Variants in GALNT17 observed in about 807,000 individuals in gnomAD.
GALNT17 encodes the protein polypeptide N-acetylgalactosaminyltransferase 17.
In GALNT17, 29 loss-of-function variants were observed where a neutral mutation model predicts 63.7. The ratio of observed to expected loss-of-function variants is 0.46; its 90% CI spans 0.34 to 0.62. The LOEUF (loss-of-function observed/expected upper bound fraction) is 0.62, where lower values mean the gene tolerates loss of function less well. Ranked by LOEUF, GALNT17 falls within the 20% of genes least tolerant of loss-of-function variation. The pLI is 0.01. For missense variants in GALNT17, 603 were observed against 799.6 expected, an observed-to-expected ratio of 0.75 and a Z score of 2.97; for synonymous variants, 305 against 318.3, an observed-to-expected ratio of 0.96 and a Z score of 0.45.
Position 71,523,262 on chromosome 7 carries a change from A to C in GALNT17, c.963-48023A>C, listed in dbSNP as rs557570827. ...CAACATAGCAAGACCCCATCTCTAC[A>C]AAATAATTTTTAAAAATTTAGTCAG... On this transcript the variant is annotated intron_variant, in intron 5 of 10. Coordinates refer to ENST00000333538, the MANE Select transcript of GALNT17 (RefSeq NM_022479.3). 2.9e-3 allele frequency among the ~76,000 whole-genome samples: 440 copies of C among 152,224 alleles called. 2 individuals carry two copies. Among genetic ancestry groups the C allele is most frequent in the African/African-American group, 9.7e-3 (405 of 41,562 alleles).
chr7:71,333,957 G>C (rs1236058690), intron 1 of GALNT17, among the ~76,000 whole-genome samples: 1 of 152,164 alleles, frequency 6.6e-6, no homozygotes, highest in Non-Finnish European at 1.5e-5. Context: ...TTCAGGGGTT[G>C]TCATTTGAAG....
At chr7:71,461,234 AG>A (rs11297639) in intron 5 of GALNT17, among the ~76,000 whole-genome samples, 57,742 of 152,142 alleles carry the variant, frequency 0.38, 12,673 homozygotes, top group Non-Finnish European at 0.51. Context: ...AGACTTGTCA[AG>A]GGAAAGCCAA....
chr7:71,487,222 G>A (rs1007318331), intron 5 of GALNT17, among the ~76,000 whole-genome samples: 1 of 152,160 alleles, frequency 6.6e-6, no homozygotes, highest in African/African-American at 2.4e-5. Context: ...GCCAGGGATG[G>A]GGCCTATGAC....
intron 5 of GALNT17, among the ~76,000 whole-genome samples, chr7:71,438,699 A>G (rs1479003512): frequency 2.6e-5 from 4 of 152,188 alleles, no homozygotes; most frequent in Admixed American, 6.5e-5. Context: ...TGTTCTTGCT[A>G]TCAATATTAT....
rs530430327 is a variant in GALNT17, at chr7:71,167,793, G to A, written c.238+34753G>A. Reference sequence around the variant, plus strand: ...CAACCTCCACCTCCTGGGTTCAAGCGATTCTTGTGCCTCAGCCTCCAAGGA... The same window carrying A: ...CAACCTCCACCTCCTGGGTTCAAGCAATTCTTGTGCCTCAGCCTCCAAGGA... On this transcript the variant is annotated intron_variant, in intron 1 of 10. Coordinates refer to ENST00000333538, the MANE Select transcript of GALNT17 (RefSeq NM_022479.3). Among the ~76,000 whole-genome samples, 6 of 152,246 alleles carry A rather than the reference G, an allele frequency of 3.9e-5. No individual in the cohort carries two copies. In the East Asian group the frequency reaches 7.7e-4, roughly 20 times the overall value.
At chr7:71,415,770 A>G (rs773082047) in intron 3 of GALNT17, 119 bp from the exon 4 acceptor site, 21 of 1,163,946 alleles carry the variant, frequency 1.8e-5, no homozygotes, top group Non-Finnish European at 2.1e-5. Context: ...CAGAATTACT[A>G]ACATGCGATT....
chr7:71,687,323 T>G (rs1453923725), intron 9 of GALNT17, among the ~76,000 whole-genome samples: 1 of 152,206 alleles, frequency 6.6e-6, no homozygotes, highest in Non-Finnish European at 1.5e-5. Flanking sequence ...ACCTTGTCAT[T>G]ATGATGCATT....
intron 1 of GALNT17, among the ~76,000 whole-genome samples, chr7:71,274,651 C>T (rs1178101337): frequency 6.6e-6 from 1 of 152,222 alleles, no homozygotes; most frequent in African/African-American, 2.4e-5. Flanking sequence ...ACACCATCCA[C>T]ATCAGTGCAC....
chr7:71,281,151 T>C lies in GALNT17; in HGVS notation c.239-54399T>C, dbSNP rs201309900. ...TAGAAGAAACCAAAAGCGGGCCCAG[T>C]TGAAATAAACACAGTGTTATTCAAC... On this transcript the variant is annotated intron_variant, in intron 1 of 10. Transcript: ENST00000333538. Among the ~76,000 whole-genome samples the C allele has an allele frequency of 5.9e-5, 9 of 152,116 alleles. No homozygotes were observed. In the East Asian group the frequency reaches 1.7e-3, roughly 29 times the overall value.
At chr7:71,384,499 G>A (rs146290006) in intron 2 of GALNT17, among the ~76,000 whole-genome samples, 30 of 152,290 alleles carry the variant, frequency 2.0e-4, no homozygotes, top group Non-Finnish European at 3.7e-4. Context: ...CACAGTTTCC[G>A]TCCCATGTTG....
chr7:71,354,773 A>G (rs1458152677), intron 2 of GALNT17, among the ~76,000 whole-genome samples: 1 of 152,196 alleles, frequency 6.6e-6, no homozygotes, highest in Non-Finnish European at 1.5e-5. Context: ...CATTATGACT[A>G]TCTGGTTCTT....
At chr7:71,277,284 C>G (rs940828936) in intron 1 of GALNT17, among the ~76,000 whole-genome samples, 1 of 152,036 alleles carries the variant, frequency 6.6e-6, no homozygotes, top group African/African-American at 2.4e-5. Flanking sequence ...GGGAGCTGAA[C>G]AATGGGTACA....
At chr7:71,275,280 A>G (rs913177114) in intron 1 of GALNT17, among the ~76,000 whole-genome samples, 3 of 152,154 alleles carry the variant, frequency 2.0e-5, no homozygotes, top group Non-Finnish European at 4.4e-5. Flanking sequence ...TAGAAATGCA[A>G]ATTCCCAAGA....
At chr7:71,401,178 C>T (rs1793233241) in intron 3 of GALNT17, among the ~76,000 whole-genome samples, 2 of 151,506 alleles carry the variant, frequency 1.3e-5, no homozygotes, top group African/African-American at 2.4e-5. Flanking sequence ...TCACTGCAAC[C>T]TCCCACCTCC....
chr7:71,365,492 G>T (rs564788555), intron 2 of GALNT17, among the ~76,000 whole-genome samples: 2 of 152,136 alleles, frequency 1.3e-5, no homozygotes, highest in African/African-American at 4.8e-5. Flanking sequence ...CACCCGCCTC[G>T]GCTTCCCAAA....
chr7:71,234,162 C>T (rs1405921179), intron 1 of GALNT17, among the ~76,000 whole-genome samples: 1 of 152,210 alleles, frequency 6.6e-6, no homozygotes, highest in Admixed American at 6.5e-5. Flanking sequence ...TGGTTTAGCA[C>T]AACCAACCAG....
At chr7:71,207,898 C>G (rs906573820) in intron 1 of GALNT17, among the ~76,000 whole-genome samples, 2 of 151,792 alleles carry the variant, frequency 1.3e-5, no homozygotes, top group African/African-American at 2.4e-5. Flanking sequence ...TGTATACAAG[C>G]AATGAGGTGG....
intron 5 of GALNT17, among the ~76,000 whole-genome samples, chr7:71,539,787 A>G (rs1788858654): frequency 7.7e-6 from 1 of 130,260 alleles, no homozygotes; most frequent in African/African-American, 3.0e-5. Flanking sequence ...AGCAGCCTCT[A>G]ACTCCTGGGC....
At chr7:71,184,208 A>C (rs566110849) in intron 1 of GALNT17, among the ~76,000 whole-genome samples, 1 of 152,140 alleles carries the variant, frequency 6.6e-6, no homozygotes, top group East Asian at 1.9e-4. Context: ...TGACACCTTC[A>C]TCTCGGACTT....
Sources: allele counts gnomAD v4.1 joint callset (sites outside exome capture counted in the v4.1 genomes callset), GRCh38; gene constraint gnomAD v4.1.1; transcripts MANE v1.5; gene names NCBI Gene and HGNC (gene_info 2026-07-23, HGNC 2026-07-21).